Variants in DOCK9 observed in about 807,000 individuals in gnomAD.
DOCK9 encodes dedicator of cytokinesis protein 9.
DOCK9 carries 89 observed loss-of-function variants against 263.3 expected under a neutral mutation model. The ratio of observed to expected loss-of-function variants is 0.34; its 90% confidence interval spans 0.28 to 0.40. The LOEUF (loss-of-function observed/expected upper bound fraction) is 0.40, where lower values mean the gene tolerates loss of function less well. Ranked by LOEUF, DOCK9 falls within the 10% of genes least tolerant of loss-of-function variation. The pLI is 1.00. For missense variants in DOCK9, 2,140 were observed against 2,603.4 expected, an observed-to-expected ratio of 0.82 and a Z score of 3.87; for synonymous variants, 976 against 973.1, an observed-to-expected ratio of 1.00 and a Z score of -0.06.
intron 27 of DOCK9, among the ~76,000 whole-genome samples, chr13:98,869,172 C>T (rs9584959): frequency 0.014 from 2,140 of 152,340 alleles, 43 homozygotes; most frequent in African/African-American, 0.048. Flanking sequence ...CAGCAGTCTT[C>T]TCACAATCAA....
In DOCK9 at chr13:98,994,457, A is replaced by G. The variant is rs1168440276; in HGVS notation, c.130-38906T>C. On this transcript the variant is annotated intron_variant, in intron 1 of 32. Coordinates refer to the DOCK9 transcript ENST00000427887. ...ACAGAAACCGGCCCCCTCAACAAAG[A>G]ATTATCCAGCCCAAAATGTCAACAG... Among the ~76,000 whole-genome samples the G allele has an allele frequency of 2.0e-5, 3 of 152,204 alleles. No homozygotes were observed. The East Asian group carries it at 5.8e-4, about 29-fold the overall frequency.
intron 1 of DOCK9, among the ~76,000 whole-genome samples, chr13:98,987,656 G>A (rs1878779849): frequency 6.6e-6 from 1 of 152,062 alleles, no homozygotes; most frequent in East Asian, 1.9e-4. Context: ...AACATTTAAG[G>A]GACCCCTGCA....
chr13:98,925,020 C>A (rs893432713), intron 4 of DOCK9, among the ~76,000 whole-genome samples: 1 of 151,706 alleles, frequency 6.6e-6, no homozygotes, highest in South Asian at 2.1e-4. Context: ...CAAAATTAGC[C>A]GGGCGTGGTG....
intron 1 of DOCK9, among the ~76,000 whole-genome samples, chr13:98,961,944 T>C (rs1468109540): frequency 6.6e-6 from 1 of 152,188 alleles, no homozygotes; most frequent in African/African-American, 2.4e-5. Context: ...AGATTAGTCA[T>C]TGCACAAACT....
intron 1 of DOCK9, among the ~76,000 whole-genome samples, chr13:99,029,800 G>A (rs1190444423): frequency 6.6e-6 from 1 of 152,126 alleles, no homozygotes; most frequent in Non-Finnish European, 1.5e-5. Flanking sequence ...CAAGAAAAAT[G>A]AAAACACATG....
chr13:98,974,748 CAAAAAAAAAAAAA>C (rs57196019), intron 1 of DOCK9, among the ~76,000 whole-genome samples: 3 of 33,206 alleles, frequency 9.0e-5, no homozygotes, highest in South Asian at 1.4e-3. Context: ...AACTCTGTCT[CAAAAAAAAAAAAA>C]AAAAAAAAAA....
chr13:99,015,450 C>T, intron 1 of DOCK9: 1 of 1,591,964 alleles, frequency 6.3e-7, no homozygotes, highest in Non-Finnish European at 8.5e-7. Context: ...CATTTACCAG[C>T]CAGGAGGAGA....
At chr13:98,901,625 C>T (rs960727710) in intron 13 of DOCK9, among the ~76,000 whole-genome samples, 153 bp downstream of exon 13, 1 of 152,208 alleles carries the variant, frequency 6.6e-6, no homozygotes, top group African/African-American at 2.4e-5. Context: ...AAAATCAAGA[C>T]ATAAAGTTCA....
At chr13:98,855,755 C>G in intron 34 of DOCK9, 143 bp downstream of exon 34, 1 of 884,308 alleles carries the variant, frequency 1.1e-6, no homozygotes, top group Non-Finnish European at 1.7e-6. Context: ...CCTTAAAGCT[C>G]TCATCACCTA....
rs781603447 is a variant in DOCK9 at position 98,955,550 on chromosome 13, G to A, written c.128C>T (p.Ala43Val). 6.3e-7 allele frequency: 1 copy of A among 1,578,556 alleles called. No homozygotes were observed. Among genetic ancestry groups the A allele is most frequent in the South Asian group, 1.2e-5 (1 of 86,308 alleles). The change falls in exon 2 of 53, where the codon GCA (alanine) becomes GTA (valine). Residue 43 changes from alanine to valine, a missense_variant and splice_region_variant. Around this residue, in one of 2 missense-constraint regions of DOCK9, gnomAD observed 1,521 missense variants for 1,741.7 expected, o/e 0.87. Transcript: ENST00000682017. The part of the protein sequence containing the change: ...VEAESPGPVP[A>V]KPKLIEPLDY... ...GAGTGGCTCAATTAGCTTTGGCTTT[G>A]CCTGGAGGGCGAAAAGATAAGCAAG...
At chr13:99,086,097 T>C (rs987117729) in intron 1 of DOCK9, 3 of 1,305,316 alleles carry the variant, frequency 2.3e-6, no homozygotes, top group African/African-American at 1.6e-5. Flanking sequence ...CACCTCTTGA[T>C]TCCGCGGACC....
chr13:98,862,127 G>A (rs2093890395), intron 32 of DOCK9, among the ~76,000 whole-genome samples: 1 of 152,106 alleles, frequency 6.6e-6, no homozygotes, highest in Non-Finnish European at 1.5e-5. Flanking sequence ...CGAGAACATG[G>A]TTTTCATACT....
At chr13:99,045,534 T>C (rs1196370762) in intron 1 of DOCK9, among the ~76,000 whole-genome samples, 7 of 152,096 alleles carry the variant, frequency 4.6e-5, no homozygotes, top group Admixed American at 6.6e-5. Context: ...GGTAAAAAGA[T>C]ACAAAATTTC....
At chr13:98,815,615 G>A (rs1455866751) in intron 45 of DOCK9, among the ~76,000 whole-genome samples, 6 of 152,026 alleles carry the variant, frequency 3.9e-5, no homozygotes, top group Non-Finnish European at 8.8e-5. Flanking sequence ...CCGAGTAGCT[G>A]GGACAACAGG....
chr13:98,908,411 T>C (rs1453902216), intron 9 of DOCK9, among the ~76,000 whole-genome samples: 5 of 152,104 alleles, frequency 3.3e-5, no homozygotes, highest in African/African-American at 1.2e-4. Flanking sequence ...AAGTATTTAA[T>C]GTCATGTTGT....
At chr13:99,008,682 T>A (rs1232333521) in intron 1 of DOCK9, among the ~76,000 whole-genome samples, 1 of 152,224 alleles carries the variant, frequency 6.6e-6, no homozygotes, top group Admixed American at 6.5e-5. Flanking sequence ...TTTCTCACCA[T>A]TCTAAGACTG....
chr13:99,028,965 T>C (rs1188029339), intron 1 of DOCK9, among the ~76,000 whole-genome samples: 1 of 152,206 alleles, frequency 6.6e-6, no homozygotes, highest in Non-Finnish European at 1.5e-5. Flanking sequence ...CTTCCAAACT[T>C]AGCTTTGTAA....
Position 98,894,904 on chromosome 13 carries a change from T to A in DOCK9, c.1709+2584A>T, listed in dbSNP as rs574972009. Among the ~76,000 whole-genome samples the A allele has an allele frequency of 3.2e-3, 448 of 142,086 alleles. 2 individuals carry two copies. The highest frequency in any genetic ancestry group is 8.6e-3 in the African/African-American group (330 of 38,354). 93.2% of individuals were successfully genotyped at this position (142,086 alleles called of 152,430 possible). On this transcript the variant is annotated intron_variant, in intron 15 of 52. Coordinates refer to ENST00000682017, the MANE Select transcript of DOCK9 (RefSeq NM_001366683.2). ...CGGGCAGATTGCCTGAGGTCAGGAGTTTGAGACCAGCCTGGGCAAGATGGT... is the reference window on the plus strand; with the variant it reads ...CGGGCAGATTGCCTGAGGTCAGGAGATTGAGACCAGCCTGGGCAAGATGGT...
At chr13:99,038,508 G>A (rs927691821) in intron 1 of DOCK9, among the ~76,000 whole-genome samples, 3 of 151,646 alleles carry the variant, frequency 2.0e-5, no homozygotes, top group Admixed American at 6.6e-5. Context: ...GTTTCATCAC[G>A]TTGGCCAGGC....
Sources: gnomAD v4.1 joint callset for allele counts (sites outside exome capture counted in the v4.1 genomes callset) on GRCh38, gnomAD v4.1.1 for gene constraint, gnomAD v4.1.1 regional missense constraint, MANE v1.5 for transcripts, NCBI Gene and HGNC (gene_info 2026-07-23, HGNC 2026-07-21) for gene names.